Variants in PRKN observed in about 807,000 individuals in gnomAD.
The protein encoded by PRKN is E3 ubiquitin-protein ligase parkin.
A neutral mutation model predicts 59.5 loss-of-function variants in PRKN; 56 were observed. That is an observed-to-expected ratio of 0.94 (90% CI 0.76 to 1.18). The LOEUF (loss-of-function observed/expected upper bound fraction) is 1.18, where lower values mean the gene tolerates loss of function less well. Among genes scored for constraint, PRKN ranks in the 50% most tolerant of loss-of-function variants. The pLI, the probability that PRKN is intolerant of heterozygous loss-of-function variation, is 0.00. For synonymous variants in PRKN, 250 were observed against 222.1 expected (o/e 1.13, Z -1.12); for missense variants, 657 against 596.4 (o/e 1.10, Z -1.06).
chr6:162,158,436 T>C (rs1317107047), intron 4 of PRKN, among the ~76,000 whole-genome samples: 1 of 149,836 alleles, frequency 6.7e-6, no homozygotes, highest in Non-Finnish European at 1.5e-5. Context: ...TTTTTTTTCT[T>C]TTGGTTTGTT....
rs1280509180 is a variant in PRKN, at chr6:161,530,533, T to C, written c.1083+18321A>G. The stretch of plus-strand genomic sequence containing the variant: ...TTTTTCTTTTTTTCTTTTTTTTTTT[T>C]GAGATGGAGTTTCACTCTTGTTGCC... On this transcript the variant is annotated intron_variant, in intron 9 of 11. Transcript: ENST00000366898. The surrounding 1 kb of genome is among the most constrained non-coding windows in gnomAD (Gnocchi z 5.0). Among the ~76,000 whole-genome samples the C allele has an allele frequency of 6.6e-6, 1 of 151,688 alleles. No homozygotes were observed. The highest frequency in any genetic ancestry group is 1.5e-5 in the Non-Finnish European group (1 of 67,924).
At chr6:161,688,672 A>T (rs186996765) in intron 7 of PRKN, among the ~76,000 whole-genome samples, 30 of 152,292 alleles carry the variant, frequency 2.0e-4, no homozygotes, top group Non-Finnish European at 5.9e-5. Flanking sequence ...ACACTCAAGG[A>T]ATTTACATTT....
In PRKN at chr6:161,357,272, G is replaced by A. The variant is rs1469164028; in HGVS notation, c.1285+2816C>T. Among the ~76,000 whole-genome samples the A allele has an allele frequency of 6.6e-6, 1 of 152,076 alleles. No individual in the cohort carries two copies. The highest frequency in any genetic ancestry group is 6.6e-5 in the Admixed American group (1 of 15,264). On this transcript the variant is annotated intron_variant, in intron 11 of 11. Coordinates refer to ENST00000366898, the MANE Select transcript of PRKN (RefSeq NM_004562.3). The surrounding 1 kb of genome is among the most constrained non-coding windows in gnomAD (Gnocchi z 5.5). ...TCGCCATGTTGGCCAGGCTGGTCTC[G>A]AACTCCTGACCTCAGGTGATCCGCC... is the stretch of plus-strand genomic sequence containing the variant.
At chr6:161,934,765 T>C (rs915651053) in intron 6 of PRKN, among the ~76,000 whole-genome samples, 1 of 152,172 alleles carries the variant, frequency 6.6e-6, no homozygotes, top group Admixed American at 6.5e-5. Context: ...CACGATCCTG[T>C]ATTAATCTAG....
intron 2 of PRKN, among the ~76,000 whole-genome samples, chr6:162,378,816 G>A (rs1035321040): frequency 3.9e-5 from 6 of 152,160 alleles, no homozygotes; most frequent in African/African-American, 1.2e-4. Flanking sequence ...CCTCTAATGG[G>A]GCATTTGGGG....
At chr6:161,831,677 T>C (rs1792504059) in intron 6 of PRKN, among the ~76,000 whole-genome samples, 1 of 152,172 alleles carries the variant, frequency 6.6e-6, no homozygotes, top group Admixed American at 6.5e-5. Context: ...GAGTGGGAAT[T>C]TAAGTGGGAA....
At chr6:162,398,578 A>G (rs1226948547) in intron 2 of PRKN, among the ~76,000 whole-genome samples, 1 of 151,934 alleles carries the variant, frequency 6.6e-6, no homozygotes. Flanking sequence ...TTTAGTAAAG[A>G]CTGGGTTTCA....
intron 1 of PRKN, among the ~76,000 whole-genome samples, chr6:162,546,906 T>G (rs1779144576): frequency 6.6e-6 from 1 of 152,154 alleles, no homozygotes; most frequent in African/African-American, 2.4e-5. Flanking sequence ...GATTCTGACT[T>G]TTTTTCTCAC....
chr6:162,226,733 CG>C (rs1356300042), intron 3 of PRKN, among the ~76,000 whole-genome samples: 1 of 152,078 alleles, frequency 6.6e-6, no homozygotes, highest in African/African-American at 2.4e-5. Flanking sequence ...GGGGTTTCAC[CG>C]TGTTGGTCAG....
chr6:161,841,974 C>T (rs752300898), intron 6 of PRKN, among the ~76,000 whole-genome samples: 1 of 152,088 alleles, frequency 6.6e-6, no homozygotes, highest in Non-Finnish European at 1.5e-5. Flanking sequence ...AACCCCATTG[C>T]AGTAATCCCC....
chr6:162,049,414 G>A (rs1777533816), intron 5 of PRKN, among the ~76,000 whole-genome samples: 1 of 152,140 alleles, frequency 6.6e-6, no homozygotes, highest in South Asian at 2.1e-4. Flanking sequence ...TTAAGAGAGA[G>A]TGAAAGAGTT....
At chr6:162,541,620 G>A (rs1358828025) in intron 1 of PRKN, among the ~76,000 whole-genome samples, 1 of 152,154 alleles carries the variant, frequency 6.6e-6, no homozygotes, top group Non-Finnish European at 1.5e-5. Flanking sequence ...AGGTAGTTCA[G>A]CTGAGAGTGG....
intron 3 of PRKN, among the ~76,000 whole-genome samples, chr6:162,224,488 C>T (rs1334705724): frequency 6.6e-6 from 1 of 152,152 alleles, no homozygotes; most frequent in East Asian, 1.9e-4. Flanking sequence ...CGGTGGACTA[C>T]TCAGAATGCA....
chr6:161,491,018 T>C (rs9346861), intron 9 of PRKN, among the ~76,000 whole-genome samples: 67,242 of 152,038 alleles, frequency 0.44, 16,703 homozygotes, highest in Middle Eastern at 0.6. Flanking sequence ...TCATGCTTCC[T>C]ATCCAGCCTG....
At chr6:161,969,772 T>C (rs537522899) in intron 6 of PRKN, among the ~76,000 whole-genome samples, 145 of 152,336 alleles carry the variant, frequency 9.5e-4, no homozygotes, top group African/African-American at 3.4e-3. Flanking sequence ...TTTTAATCCA[T>C]ATTCATTTTG....
At chr6:161,991,565 G>A (rs925814946) in intron 5 of PRKN, among the ~76,000 whole-genome samples, 5 of 152,126 alleles carry the variant, frequency 3.3e-5, no homozygotes, top group African/African-American at 1.2e-4. Flanking sequence ...CAACTGGCCA[G>A]GCGTGGTGGC....
At position 161,423,379 on chromosome 6, in the gene PRKN, C is replaced by T. The variant is rs1583048113; in HGVS notation, c.1084-36502G>A. 1.3e-5 allele frequency among the ~76,000 whole-genome samples: 2 copies of T among 152,244 alleles called. No individual in the cohort carries two copies. Among genetic ancestry groups the T allele is most frequent in the East Asian group, 1.9e-4 (1 of 5,194 alleles). The stretch of plus-strand genomic sequence containing the variant: ...ACTTGCAGCTTACATGTAAATAATT[C>T]GGAGGTGAGTACTGCGATGCAGTTA... On this transcript the variant is annotated intron_variant, in intron 9 of 11. Coordinates refer to ENST00000366898, the MANE Select transcript of PRKN (RefSeq NM_004562.3). The surrounding 1 kb of genome is among the most constrained non-coding windows in gnomAD (Gnocchi z 5.9).
intron 1 of PRKN, among the ~76,000 whole-genome samples, chr6:162,636,015 A>G (rs991252120): frequency 2.3e-4 from 35 of 152,302 alleles, no homozygotes; most frequent in African/African-American, 7.7e-4. Context: ...TGGGTTAAGG[A>G]ATTCTGTAAA....
intron 3 of PRKN, among the ~76,000 whole-genome samples, chr6:162,258,697 C>T (rs952846784): frequency 6.6e-6 from 1 of 152,174 alleles, no homozygotes; most frequent in Non-Finnish European, 1.5e-5. Flanking sequence ...CTGGTCTGGG[C>T]CCAGTCATCT....
Sources: allele counts gnomAD v4.1 joint callset (sites outside exome capture counted in the v4.1 genomes callset), GRCh38; gene constraint gnomAD v4.1.1; non-coding constraint Gnocchi (gnomAD v3.1); transcripts MANE v1.5; gene names NCBI Gene and HGNC (gene_info 2026-07-23, HGNC 2026-07-21).